CFAP221: variants seen among roughly 807,000 people sequenced by gnomAD.
CFAP221 encodes cilia and flagella associated protein 221, also known as cilia- and flagella-associated protein 221.
In CFAP221, 97 loss-of-function variants were observed where a neutral mutation model predicts 113.1. The ratio of observed to expected loss-of-function variants is 0.86; its 90% CI spans 0.73 to 1.02. The LOEUF (loss-of-function observed/expected upper bound fraction) is 1.02, where lower values mean the gene tolerates loss of function less well. CFAP221 is among the 50% of genes least tolerant of loss of function. The pLI is 0.00. For synonymous variants in CFAP221, 331 were observed against 354.4 expected (o/e 0.93, Z 0.74); for missense variants, 1,025 against 1,013.4 (o/e 1.01, Z -0.16).
Position 119,629,969 on chromosome 2 carries a change from C to T in CFAP221, c.1731+14C>T, listed in dbSNP as rs1686651982. 6.4e-7 allele frequency: 1 copy of T among 1,574,574 alleles called. No homozygotes were observed. Among genetic ancestry groups the T allele is most frequent in the Non-Finnish European group, 8.7e-7 (1 of 1,151,742 alleles). ...TTCAATCTGCAGGTCAGACCTGTCA[C>T]ATAAATTAATTAATTGAGTTTCTTA... On this transcript the variant is annotated intron_variant, in intron 17 of 23. Coordinates refer to ENST00000413369, the MANE Select transcript of CFAP221 (RefSeq NM_001271049.2).
chr2:119,628,334 T>TGTGTGTGTGC (rs1553491008), intron 16 of CFAP221, among the ~76,000 whole-genome samples: 3 of 152,006 alleles, frequency 2.0e-5, no homozygotes, highest in African/African-American at 7.2e-5. Context: ...TGTGTGTGTG[T>TGTGTGTGTGC]ATCTTTCTCT....
intron 7 of CFAP221, among the ~76,000 whole-genome samples, chr2:119,596,223 AT>A (rs2104645941): frequency 6.6e-6 from 1 of 152,200 alleles, no homozygotes; most frequent in African/African-American, 2.4e-5. Context: ...GTTGGCTCGG[AT>A]GGGTGGTGAC....
At chr2:119,579,925 G>A (rs952834325) in intron 6 of CFAP221, among the ~76,000 whole-genome samples, 4 of 152,154 alleles carry the variant, frequency 2.6e-5, no homozygotes, top group Non-Finnish European at 5.9e-5. Flanking sequence ...CTGACCTAGG[G>A]CAACACAGCC....
At chr2:119,646,696 C>T (rs1041848450) in intron 21 of CFAP221, among the ~76,000 whole-genome samples, 1 of 152,140 alleles carries the variant, frequency 6.6e-6, no homozygotes, top group African/African-American at 2.4e-5. Flanking sequence ...ATTTTAAACA[C>T]TACAAACTGA....
At position 119,546,183 on chromosome 2, in the gene CFAP221, T is replaced by C; in HGVS notation, c.52T>C (p.Phe18Leu). 1 of 1,535,934 alleles carries C rather than the reference T, an allele frequency of 6.5e-7. No individual in the cohort carries two copies. The highest frequency in any genetic ancestry group is 2.4e-5 in the East Asian group (1 of 40,896). Reference sequence around the variant, plus strand: ...AGGACTAAAGAATGCTAAAGAACCCTTTAATAATGCATCACCCCATCTCTT... The same window carrying C: ...AGGACTAAAGAATGCTAAAGAACCCCTTAATAATGCATCACCCCATCTCTT... ...SRGLKNAKEP[F>L]NNASPHLLKN... Residue 18 changes from phenylalanine (F) to leucine (L), a missense_variant, in exon 2 of 24, where the codon TTT (phenylalanine) becomes CTT (leucine). Transcript: ENST00000413369.
Position 119,604,689 on chromosome 2 carries a change from G to T in CFAP221, c.809G>T (p.Arg270Met). 1 of 1,557,402 alleles carries T rather than the reference G, an allele frequency of 6.4e-7. No individual in the cohort carries two copies. The highest frequency in any genetic ancestry group is 8.6e-7 in the Non-Finnish European group (1 of 1,158,692). Residue 270 changes from arginine (R) to methionine (M), a missense_variant, in exon 9 of 24, where the codon AGG becomes ATG. Transcript: ENST00000413369. ...ACCTATAGATTAGAAGAGTTTGAAAGGTTGAATACCCTTTCTAAGAAAGTA... is the reference window on the plus strand; with the variant it reads ...ACCTATAGATTAGAAGAGTTTGAAATGTTGAATACCCTTTCTAAGAAAGTA... Reference protein sequence around the residue: ...NMALPLEEFERLNTLSKKVNV... With the variant: ...NMALPLEEFEMLNTLSKKVNV...
chr2:119,632,606 A>C (rs897060650), intron 19 of CFAP221, among the ~76,000 whole-genome samples: 1 of 151,888 alleles, frequency 6.6e-6, no homozygotes, highest in East Asian at 1.9e-4. Flanking sequence ...CACTAATTCT[A>C]TTCAGGATTA....
chr2:119,644,267 A>C (rs1230173259), intron 21 of CFAP221, among the ~76,000 whole-genome samples: 2 of 152,226 alleles, frequency 1.3e-5, no homozygotes, highest in African/African-American at 2.4e-5. Context: ...TATTTAACAC[A>C]CACAAAAAAA....
chr2:119,587,266 T>C, intron 7 of CFAP221, 44 bp downstream of exon 7: 2 of 1,333,006 alleles, frequency 1.5e-6, no homozygotes, highest in East Asian at 2.5e-5. Context: ...AAGAATAAGC[T>C]GCATTCAAAC....
At chr2:119,617,951 T>C (rs1247987240) in intron 14 of CFAP221, among the ~76,000 whole-genome samples, 2 of 152,228 alleles carry the variant, frequency 1.3e-5, no homozygotes, top group Non-Finnish European at 2.9e-5. Flanking sequence ...CTTGCAAACA[T>C]CTTTCCATTG....
intron 7 of CFAP221, among the ~76,000 whole-genome samples, chr2:119,593,185 C>T (rs1327085731): frequency 6.6e-6 from 1 of 151,994 alleles, no homozygotes; most frequent in East Asian, 1.9e-4. Flanking sequence ...TCCTACCTGC[C>T]ACATCCTTAC....
chr2:119,606,226 C>G (rs1397741478), intron 11 of CFAP221, among the ~76,000 whole-genome samples: 1 of 151,640 alleles, frequency 6.6e-6, no homozygotes, highest in Non-Finnish European at 1.5e-5. Flanking sequence ...GGACCCAAAC[C>G]CCTGGGCTCA....
In CFAP221 at chr2:119,618,897, G is replaced by C. The variant is rs192879813; in HGVS notation, c.1410+3188G>C. On this transcript the variant is annotated intron_variant, in intron 14 of 23. Transcript: ENST00000413369. ...TCCACCTGGGACACTTGAGCTTGGTGGGGGGAGGGGCGTCTGCCATTACTG... is the reference window on the plus strand; with the variant it reads ...TCCACCTGGGACACTTGAGCTTGGTCGGGGGAGGGGCGTCTGCCATTACTG... 1.7e-3 allele frequency among the ~76,000 whole-genome samples: 265 copies of C among 152,270 alleles called. 1 individual carries two copies. Among genetic ancestry groups the C allele is most frequent in the African/African-American group, 5.8e-3 (242 of 41,552 alleles).
At chr2:119,572,756 C>T in intron 6 of CFAP221, 2 of 550,926 alleles carry the variant, frequency 3.6e-6, no homozygotes, top group Non-Finnish European at 3.3e-6. Context: ...GGCTGAAGAT[C>T]TGGTAAAATG....
At chr2:119,611,409 C>T (rs1442753275) in intron 12 of CFAP221, among the ~76,000 whole-genome samples, 2 of 104,742 alleles carry the variant, frequency 1.9e-5, no homozygotes, top group Non-Finnish European at 3.6e-5. Flanking sequence ...GGTGACAGAG[C>T]GAGACAACGT....
rs575457182 is a variant in CFAP221, at chr2:119,656,148, A to G, written c.2415-214A>G. 53 of 510,664 alleles carry G rather than the reference A, an allele frequency of 1.0e-4. No homozygotes were observed. The East Asian group carries it at 1.8e-3, about 17-fold the overall frequency. 31.6% of individuals were successfully genotyped at this position (510,664 alleles called of 1,614,324 possible). On this transcript the variant is annotated intron_variant, in intron 23 of 23. Transcript: ENST00000413369. ...TCTTGGGTAACTTGCCCATGCTCAG[A>G]AACTGATGCAGCTGAGGCCAGAAGC...
At chr2:119,624,812 T>C (rs1347091606) in intron 14 of CFAP221, among the ~76,000 whole-genome samples, 6 of 151,356 alleles carry the variant, frequency 4.0e-5, no homozygotes, top group Non-Finnish European at 7.4e-5. Flanking sequence ...TAAGTGGGAG[T>C]TGAAGAATGA....
intron 2 of CFAP221, 119 bp downstream of exon 2, chr2:119,546,389 C>G (rs1680054805): frequency 8.5e-7 from 1 of 1,174,462 alleles, no homozygotes; most frequent in African/African-American, 1.6e-5. Context: ...TAGGCTTATA[C>G]TAATTTTTAT....
intron 3 of CFAP221, among the ~76,000 whole-genome samples, chr2:119,558,331 G>T (rs770302870): frequency 3.3e-5 from 5 of 152,170 alleles, no homozygotes; most frequent in Non-Finnish European, 7.3e-5. Flanking sequence ...GCTCTCATGG[G>T]TCTGGCCCCT....
Sources: allele counts gnomAD v4.1 joint callset (sites outside exome capture counted in the v4.1 genomes callset), GRCh38; gene constraint gnomAD v4.1.1; transcripts MANE v1.5; gene names NCBI Gene and HGNC (gene_info 2026-07-23, HGNC 2026-07-21).